Variants in GCH1 observed in about 807,000 individuals in gnomAD.
GCH1 encodes GTP cyclohydrolase 1, also known as GTP cyclohydrolase I.
In GCH1, 5 loss-of-function variants were observed where a neutral mutation model predicts 25.9. The observed-to-expected ratio is 0.19, with a 90% CI of 0.10 to 0.41. The LOEUF (loss-of-function observed/expected upper bound fraction) is 0.41. Ranked by LOEUF, GCH1 falls within the 10% of genes least tolerant of loss-of-function variation. The probability of loss-of-function intolerance (pLI) is 1.00; values close to 1 mark genes in which losing one functional copy is unlikely to be tolerated. For missense variants in GCH1, 261 were observed against 336.5 expected, an observed-to-expected ratio of 0.78 and a Z score of 1.75; for synonymous variants, 159 against 129.6, an observed-to-expected ratio of 1.23 and a Z score of -1.54.
chr14:54,847,148 GT>G lies in GCH1; in HGVS notation c.510-19del. Reference sequence around the variant, plus strand: ...CTACAATCCTAGAAAAGAAAGAATTGTTTTAGTTAATCACAAATCATTTGAA... The same window carrying G: ...CTACAATCCTAGAAAAGAAAGAATTGTTTAGTTAATCACAAATCATTTGAA... On this transcript the variant is annotated intron_variant, in intron 3 of 5. Coordinates refer to ENST00000491895, the MANE Select transcript of GCH1 (RefSeq NM_000161.3). The G allele has an allele frequency of 1.1e-6, 1 of 946,880 alleles. No individual in the cohort carries two copies. The highest frequency in any genetic ancestry group is 1.4e-5 in the South Asian group (1 of 71,702). 58.7% of individuals were successfully genotyped at this position (946,880 alleles called of 1,614,324 possible).
At chr14:54,860,565 G>A (rs1382918868) in intron 2 of GCH1, among the ~76,000 whole-genome samples, 2 of 145,468 alleles carry the variant, frequency 1.4e-5, no homozygotes, top group Non-Finnish European at 3.0e-5. Flanking sequence ...TTTTGAGATG[G>A]AGTCTCACTC....
chr14:54,845,672 G>A, intron 5 of GCH1, 96 bp downstream of exon 5: 2 of 789,484 alleles, frequency 2.5e-6, no homozygotes, highest in Non-Finnish European at 4.7e-6. Flanking sequence ...TCAGTTGTGT[G>A]GCATCACCTG....
Position 54,844,014 on chromosome 14 carries a change from A to G in GCH1, c.*3T>C, listed in dbSNP as rs371209631. On this transcript the variant is annotated 3_prime_UTR_variant, in exon 6 of 6. Coordinates refer to ENST00000491895, the MANE Select transcript of GCH1 (RefSeq NM_000161.3). ...CAACCAACGCACACACACTGAATGA[A>G]GCTCAGCTCCTAATGAGAGTCAGGA... 9 of 1,614,196 alleles carry G rather than the reference A, an allele frequency of 5.6e-6. No individual in the cohort carries two copies. Among genetic ancestry groups the G allele is most frequent in the Non-Finnish European group, 7.6e-6 (9 of 1,180,004 alleles).
At chr14:54,902,008 G>C (rs2040573048) in intron 1 of GCH1, among the ~76,000 whole-genome samples, 1 of 152,156 alleles carries the variant, frequency 6.6e-6, no homozygotes, top group Admixed American at 6.5e-5. Flanking sequence ...GCTCAGGCGA[G>C]AGGGCTCCGG....
chr14:54,847,409 C>T (rs563433054), intron 3 of GCH1, among the ~76,000 whole-genome samples: 8 of 152,182 alleles, frequency 5.3e-5, no homozygotes, highest in Admixed American at 2.0e-4. Flanking sequence ...AAAGGCAGAC[C>T]CACACTTAAT....
intron 3 of GCH1, among the ~76,000 whole-genome samples, chr14:54,855,367 G>A (rs532070977): frequency 1.2e-4 from 19 of 152,076 alleles, no homozygotes; most frequent in Admixed American, 4.6e-4. Context: ...TTAGCTATGC[G>A]TGGTGGTACA....
intron 1 of GCH1, among the ~76,000 whole-genome samples, chr14:54,900,205 T>G (rs1209519253): frequency 6.7e-6 from 1 of 149,444 alleles, no homozygotes; most frequent in African/African-American, 2.5e-5. Context: ...AGAACAGTTT[T>G]TTTGTTTTTT....
At chr14:54,872,682 G>GC (rs1203625615) in intron 1 of GCH1, among the ~76,000 whole-genome samples, 2 of 151,992 alleles carry the variant, frequency 1.3e-5, no homozygotes, top group Non-Finnish European at 2.9e-5. Context: ...AACAACAAAA[G>GC]GCAGGGGTTG....
At chr14:54,875,985 T>C (rs1399343176) in intron 1 of GCH1, among the ~76,000 whole-genome samples, 1 of 152,182 alleles carries the variant, frequency 6.6e-6, no homozygotes, top group Non-Finnish European at 1.5e-5. Context: ...GACCCAGCCA[T>C]CCCATTATTG....
At chr14:54,884,292 C>T (rs766699527) in intron 1 of GCH1, among the ~76,000 whole-genome samples, 9 of 151,428 alleles carry the variant, frequency 5.9e-5, no homozygotes, top group Non-Finnish European at 8.8e-5. Flanking sequence ...GCCTAAAGGT[C>T]GAGTAGGAGG....
chr14:54,861,583 C>A (rs189990596), intron 2 of GCH1, among the ~76,000 whole-genome samples: 7 of 151,874 alleles, frequency 4.6e-5, no homozygotes, highest in African/African-American at 1.7e-4. Context: ...ATTAGCCAGG[C>A]GTGGTGGCGG....
intron 1 of GCH1, among the ~76,000 whole-genome samples, chr14:54,874,824 G>C (rs906509159): frequency 3.9e-5 from 6 of 152,084 alleles, no homozygotes; most frequent in Non-Finnish European, 7.3e-5. Context: ...ACAAACCACT[G>C]CTCCATAAAA....
intron 3 of GCH1, among the ~76,000 whole-genome samples, chr14:54,858,125 G>A (rs1372158769): frequency 7.4e-6 from 1 of 135,856 alleles, no homozygotes; most frequent in Non-Finnish European, 1.6e-5. Flanking sequence ...TTGTCAGATT[G>A]CTGGAGTAGT....
chr14:54,873,472 GA>G (rs1486399149), intron 1 of GCH1, among the ~76,000 whole-genome samples: 1 of 152,160 alleles, frequency 6.6e-6, no homozygotes, highest in Non-Finnish European at 1.5e-5. Context: ...AAAGCTAGCA[GA>G]AGGCAAGAAA....
intron 1 of GCH1, chr14:54,885,380 T>C: frequency 3.9e-6 from 1 of 257,428 alleles, no homozygotes; most frequent in Non-Finnish European, 8.0e-6. Context: ...AGGGTCTGCC[T>C]GATCTCTGTC....
chr14:54,879,113 G>A (rs927380616), intron 1 of GCH1, among the ~76,000 whole-genome samples: 1 of 152,036 alleles, frequency 6.6e-6, no homozygotes, highest in Admixed American at 6.6e-5. Context: ...AGAAATTCAT[G>A]CAGCCAAGGG....
chr14:54,871,808 A>G (rs901428347), intron 1 of GCH1, among the ~76,000 whole-genome samples: 3 of 152,236 alleles, frequency 2.0e-5, no homozygotes, highest in African/African-American at 7.2e-5. Context: ...AAAAGAATAA[A>G]AAGAAATGAA....
intron 1 of GCH1, among the ~76,000 whole-genome samples, chr14:54,869,772 G>A (rs1293922488): frequency 6.6e-6 from 1 of 152,180 alleles, no homozygotes; most frequent in Non-Finnish European, 1.5e-5. Flanking sequence ...GAGCCACCGT[G>A]CCTGGCCCAA....
intron 1 of GCH1, among the ~76,000 whole-genome samples, chr14:54,876,312 A>G (rs982291215): frequency 1.3e-5 from 2 of 152,084 alleles, no homozygotes; most frequent in Admixed American, 6.6e-5. Flanking sequence ...TGGACACAGG[A>G]AGGGGAACAT....
Sources: allele counts gnomAD v4.1 joint callset (sites outside exome capture counted in the v4.1 genomes callset), GRCh38; gene constraint gnomAD v4.1.1; transcripts MANE v1.5; gene names NCBI Gene and HGNC (gene_info 2026-07-23, HGNC 2026-07-21).